Variants in PTK2 observed in about 807,000 individuals in gnomAD.
PTK2 encodes protein tyrosine kinase 2.
In PTK2, 45 loss-of-function variants were observed where a neutral mutation model predicts 150.1. The ratio of observed to expected loss-of-function variants is 0.30; its 90% CI spans 0.24 to 0.38. The LOEUF (loss-of-function observed/expected upper bound fraction) is 0.38. Ranked by LOEUF, PTK2 falls within the 10% of genes least tolerant of loss-of-function variation. The probability of loss-of-function intolerance (pLI) is 1.00; values close to 1 mark genes in which losing one functional copy is unlikely to be tolerated. For missense variants in PTK2, 919 were observed against 1,307.3 expected (o/e 0.70, Z 4.58); for synonymous variants, 432 against 449.2 (o/e 0.96, Z 0.48).
intron 2 of PTK2, among the ~76,000 whole-genome samples, chr8:140,905,679 T>C (rs1340070317): frequency 3.9e-5 from 6 of 152,154 alleles, no homozygotes; most frequent in Non-Finnish European, 5.9e-5. Context: ...GCGGACCTAA[T>C]AGACATCTAC....
intron 1 of PTK2, among the ~76,000 whole-genome samples, chr8:140,957,253 G>A (rs1260961642): frequency 1.3e-5 from 2 of 152,008 alleles, no homozygotes; most frequent in African/African-American, 4.8e-5. Context: ...GGGCAACATG[G>A]TGAAACCCTA....
chr8:140,699,696 T>C (rs944023275), intron 26 of PTK2, among the ~76,000 whole-genome samples: 1 of 152,144 alleles, frequency 6.6e-6, no homozygotes, highest in Non-Finnish European at 1.5e-5. Context: ...AATGTGGTAA[T>C]GCAAAAACCA....
chr8:140,858,131 C>A (rs1306308852), intron 5 of PTK2, among the ~76,000 whole-genome samples: 1 of 151,948 alleles, frequency 6.6e-6, no homozygotes, highest in East Asian at 1.9e-4. Flanking sequence ...TCAACAAATG[C>A]ACCAAACATA....
At chr8:140,708,973 A>AAAG (rs1182023401) in intron 23 of PTK2, among the ~76,000 whole-genome samples, 1 of 151,966 alleles carries the variant, frequency 6.6e-6, no homozygotes, top group Non-Finnish European at 1.5e-5. Context: ...TCAGGCAAAA[A>AAAG]AAAAAAAAAA....
chr8:140,865,795 T>A (rs556369819), intron 4 of PTK2, among the ~76,000 whole-genome samples: 1 of 152,294 alleles, frequency 6.6e-6, no homozygotes, highest in Admixed American at 6.5e-5. Context: ...TTTCTCTCTC[T>A]TTTTTTGAGA....
intron 1 of PTK2, among the ~76,000 whole-genome samples, chr8:140,928,407 A>C (rs2100170506): frequency 6.6e-6 from 1 of 152,216 alleles, no homozygotes; most frequent in Admixed American, 6.5e-5. Flanking sequence ...GTGGTCCTAA[A>C]AATATTAAAA....
chr8:140,836,670 T>C (rs1204805774), intron 7 of PTK2, among the ~76,000 whole-genome samples: 1 of 152,228 alleles, frequency 6.6e-6, no homozygotes, highest in Admixed American at 6.5e-5. Flanking sequence ...TAAGCTCAGC[T>C]AATTTTAAAC....
chr8:140,670,077 G>A (rs1800171746), intron 29 of PTK2: 2 of 247,822 alleles, frequency 8.1e-6, no homozygotes, highest in South Asian at 2.1e-4. Context: ...AAAGGAGGAG[G>A]AGGACATATG....
At chr8:140,756,375 T>C (rs547667420) in intron 16 of PTK2, among the ~76,000 whole-genome samples, 2 of 150,532 alleles carry the variant, frequency 1.3e-5, no homozygotes, top group East Asian at 3.9e-4. Context: ...CCTTGGGGAC[T>C]GGAATTCATT....
chr8:140,707,060 G>C (rs1401837030), intron 23 of PTK2, among the ~76,000 whole-genome samples: 1 of 152,208 alleles, frequency 6.6e-6, no homozygotes, highest in Non-Finnish European at 1.5e-5. Flanking sequence ...CAACATGGAT[G>C]AATTTTTGAA....
chr8:140,998,040 C>T (rs2100198474), intron 1 of PTK2, among the ~76,000 whole-genome samples: 1 of 152,208 alleles, frequency 6.6e-6, no homozygotes, highest in Non-Finnish European at 1.5e-5. Context: ...TTGTGTGACT[C>T]ATTTTATCGC....
chr8:140,792,806 C>T (rs993423645), intron 13 of PTK2, among the ~76,000 whole-genome samples: 7 of 152,196 alleles, frequency 4.6e-5, no homozygotes, highest in Non-Finnish European at 1.0e-4. Flanking sequence ...ACTTACCACA[C>T]AGCTATAACT....
intron 1 of PTK2, among the ~76,000 whole-genome samples, chr8:140,992,320 A>C (rs1295093933): frequency 6.6e-6 from 1 of 151,438 alleles, no homozygotes; most frequent in Non-Finnish European, 1.5e-5. Flanking sequence ...AAATACAAAA[A>C]TTAGCTGGGC....
exon 19 of PTK2, chr8:140,744,660 A>C: frequency 6.4e-7 from 1 of 1,572,912 alleles, no homozygotes; most frequent in East Asian, 2.2e-5. Context: ...ACCTGTGTAC[A>C]AATCTTTTGC....
rs767025887 is a variant in PTK2, at chr8:140,659,693, A to G, written c.2947-15T>C. ...GCCATCTCAATCTGAAAGACAAGAG[A>G]TAGGTCAGGAGAACTGTTTTCAGTG... On this transcript the variant is annotated splice_polypyrimidine_tract_variant and intron_variant, in intron 31 of 31. Coordinates refer to ENST00000522684, the Ensembl canonical transcript of PTK2. The G allele has an allele frequency of 6.2e-7, 1 of 1,603,694 alleles. No homozygotes were observed. The highest frequency in any genetic ancestry group is 8.5e-7 in the Non-Finnish European group (1 of 1,172,396).
chr8:140,812,013 G>A (rs767758472), intron 10 of PTK2, among the ~76,000 whole-genome samples: 6 of 152,182 alleles, frequency 3.9e-5, no homozygotes, highest in Non-Finnish European at 7.4e-5. Flanking sequence ...TCTATGAAAA[G>A]TTCCCCAACC....
chr8:140,752,267 G>A (rs755989473), exon 17 of PTK2: 6 of 1,614,072 alleles, frequency 3.7e-6, no homozygotes, highest in Admixed American at 1.7e-5. Context: ...CACGCTGTCC[G>A]AAGTACAGTT....
chr8:140,731,697 C>G (rs577520919), intron 22 of PTK2, among the ~76,000 whole-genome samples: 2 of 152,130 alleles, frequency 1.3e-5, no homozygotes, highest in African/African-American at 4.8e-5. Context: ...GAGTTTGAGA[C>G]CAGCCTGGGC....
intron 5 of PTK2, among the ~76,000 whole-genome samples, chr8:140,860,035 T>C (rs2100135134): frequency 6.6e-6 from 1 of 152,134 alleles, no homozygotes; most frequent in Admixed American, 6.5e-5. Context: ...AATTTAAAAA[T>C]ATGCATTTTT....
Sources: gnomAD v4.1 joint callset for allele counts (sites outside exome capture counted in the v4.1 genomes callset) on GRCh38, gnomAD v4.1.1 for gene constraint, MANE v1.5 for transcripts, NCBI Gene and HGNC (gene_info 2026-07-23, HGNC 2026-07-21) for gene names.